SLC35A3: variants seen among roughly 807,000 people sequenced by gnomAD.
SLC35A3 encodes the protein solute carrier family 35 member A3.
Under a neutral mutation model 39.0 loss-of-function variants are expected in SLC35A3, and 26 were observed. The observed-to-expected ratio is 0.67, with a 90% CI of 0.49 to 0.92. The LOEUF is 0.92. Among genes scored for constraint, SLC35A3 ranks in the 40% least tolerant of loss-of-function variants. The probability of loss-of-function intolerance (pLI) is 0.00; values close to 1 mark genes in which losing one functional copy is unlikely to be tolerated. For synonymous variants in SLC35A3, 135 were observed against 133.1 expected (o/e 1.01, Z -0.10); for missense variants, 299 against 371.6 (o/e 0.80, Z 1.61).
At position 100,034,118 on chromosome 1, in the gene SLC35A3, C is replaced by G. The variant is rs530357668; in HGVS notation, c.*11642C>G. 6.6e-6 allele frequency: 1 copy of G among 152,292 alleles called. No individual in the cohort carries two copies. The highest frequency in any genetic ancestry group is 2.1e-4 in the South Asian group (1 of 4,826). The allele number at this position is 152,292 out of a possible 1,614,324, so 9.4% of individuals were successfully genotyped here. A position where few individuals can be genotyped will look rare whatever the true frequency, so the allele number is the denominator to read the frequency against. On this transcript the variant is annotated 3_prime_UTR_variant, in exon 8 of 8. Transcript: ENST00000533028. Reference sequence around the variant, plus strand: ...GTTATCATCAAGAAGTGTGGCACCACTTGATTTTTTTCCCTTTTGGAAATG... The same window carrying G: ...GTTATCATCAAGAAGTGTGGCACCAGTTGATTTTTTTCCCTTTTGGAAATG...
Position 99,993,609 on chromosome 1 carries a change from A to C in SLC35A3, c.55A>C (p.Ser19Arg). 2.5e-6 allele frequency: 4 copies of C among 1,613,986 alleles called. No homozygotes were observed. The highest frequency in any genetic ancestry group is 3.4e-6 in the Non-Finnish European group (4 of 1,179,952). Residue 19 changes from serine to arginine, a missense_variant, in exon 2 of 8, where the codon AGT (serine) becomes CGT (arginine). By Grantham distance (110) the Ser-to-Arg change is moderately radical. Transcript: ENST00000533028. Reference protein sequence around the residue: ...SLGILVFQTTSLVLTMRYSRT... With the variant: ...SLGILVFQTTRLVLTMRYSRT... ...GGGAATTTTGGTCTTTCAGACTACCAGTTTGGTTCTAACAATGCGTTATTC... is the reference window on the plus strand; with the variant it reads ...GGGAATTTTGGTCTTTCAGACTACCCGTTTGGTTCTAACAATGCGTTATTC...
intron 1 of SLC35A3, among the ~76,000 whole-genome samples, chr1:99,990,950 C>G (rs1209461284): frequency 6.6e-6 from 1 of 152,172 alleles, no homozygotes; most frequent in Non-Finnish European, 1.5e-5. Context: ...AAGGGCCTCA[C>G]TAGAACCCAA....
At chr1:100,001,615 C>T (rs1658806205) in intron 3 of SLC35A3, among the ~76,000 whole-genome samples, 1 of 151,764 alleles carries the variant, frequency 6.6e-6, no homozygotes, top group Admixed American at 6.6e-5. Context: ...CTTTAGGGTC[C>T]TCTCTATATA....
chr1:99,984,524 A>G (rs1657636443), intron 1 of SLC35A3, among the ~76,000 whole-genome samples: 1 of 152,216 alleles, frequency 6.6e-6, no homozygotes, highest in Non-Finnish European at 1.5e-5. Flanking sequence ...CATAATTGCA[A>G]ATTGTGCTGC....
chr1:99,995,497 A>G (rs1279046270), intron 2 of SLC35A3, among the ~76,000 whole-genome samples: 1 of 152,094 alleles, frequency 6.6e-6, no homozygotes, highest in African/African-American at 2.4e-5. Flanking sequence ...ATGGCTTGTT[A>G]AAAGATTGAA....
At chr1:100,015,620 G>A in intron 6 of SLC35A3, 200 bp downstream of exon 6, 1 of 479,134 alleles carries the variant, frequency 2.1e-6, no homozygotes, top group African/African-American at 2.0e-5. Flanking sequence ...GGTCTTTAAT[G>A]AACTTTGTGG....
intron 3 of SLC35A3, 87 bp from the exon 4 acceptor site, chr1:100,006,947 G>T (rs879301808): frequency 9.9e-6 from 14 of 1,415,260 alleles, no homozygotes; most frequent in Non-Finnish European, 1.3e-5. Flanking sequence ...TGCTGCCATA[G>T]TCCTTAAAAT....
chr1:99,988,865 C>G (rs1490926653), intron 1 of SLC35A3, among the ~76,000 whole-genome samples: 1 of 152,040 alleles, frequency 6.6e-6, no homozygotes, highest in African/African-American at 2.4e-5. Context: ...TTCCTGGGCT[C>G]AAGCCATCCT....
chr1:100,005,948 A>C (rs1429576163), intron 3 of SLC35A3, among the ~76,000 whole-genome samples: 1 of 152,172 alleles, frequency 6.6e-6, no homozygotes, highest in Non-Finnish European at 1.5e-5. Context: ...ATATCTGTGC[A>C]TCTGGTATAA....
chr1:100,023,610 G>C lies in SLC35A3; in HGVS notation c.*1134G>C, dbSNP rs1660696595. 6.6e-6 allele frequency: 1 copy of C among 152,172 alleles called. No individual in the cohort carries two copies. The allele number at this position is 152,172 out of a possible 1,614,324, so 9.4% of individuals were successfully genotyped here. A position where few individuals can be genotyped will look rare whatever the true frequency, so the allele number is the denominator to read the frequency against. ...ACAGCGCTATGACTTTAAATCCAAG[G>C]CTGCTCGGAAGATTTTTTTAGGTCT... On this transcript the variant is annotated 3_prime_UTR_variant, in exon 8 of 8. Transcript: ENST00000533028.
chr1:100,002,376 A>G (rs1306974195), intron 3 of SLC35A3, among the ~76,000 whole-genome samples: 1 of 151,918 alleles, frequency 6.6e-6, no homozygotes, highest in Non-Finnish European at 1.5e-5. Context: ...AGGTTTTTCA[A>G]TTTGCTAGTA....
Position 99,977,739 on chromosome 1 carries a change from A to G in SLC35A3, c.-19+7577A>G, listed in dbSNP as rs537457248. Among the ~76,000 whole-genome samples, 33 of 152,274 alleles carry G rather than the reference A, an allele frequency of 2.2e-4. No homozygotes were observed. The South Asian group carries it at 4.6e-3, about 21-fold the overall frequency. ...TTTGTTGTAAAGACAGAGTCCGACT[A>G]TGTTGCCCAGGCTGGTCTGGAACTC... On this transcript the variant is annotated intron_variant, in intron 1 of 7. Transcript: ENST00000533028.
rs1468972411 is a variant in SLC35A3 at position 100,022,986 on chromosome 1, A to G, written c.*510A>G. 1.3e-5 allele frequency: 2 copies of G among 152,600 alleles called. No individual in the cohort carries two copies. Among genetic ancestry groups the G allele is most frequent in the Non-Finnish European group, 2.9e-5 (2 of 68,034 alleles). The allele number at this position is 152,600 out of a possible 1,614,324, so 9.5% of individuals were successfully genotyped here. A position where few individuals can be genotyped will look rare whatever the true frequency, so the allele number is the denominator to read the frequency against. On this transcript the variant is annotated 3_prime_UTR_variant, in exon 8 of 8. Transcript: ENST00000533028. The stretch of plus-strand genomic sequence containing the variant: ...TATCAGAGATTTTTATATTTATACA[A>G]AAGATTACTAAATGAAGGATTGCTA...
chr1:100,019,364 C>A (rs932863520), intron 7 of SLC35A3, among the ~76,000 whole-genome samples: 1 of 151,438 alleles, frequency 6.6e-6, no homozygotes, highest in African/African-American at 2.4e-5. Flanking sequence ...AGAGAAAAGA[C>A]AATGATACTG....
chr1:100,011,282 T>G, intron 4 of SLC35A3, 83 bp from the exon 5 acceptor site: 1 of 592,388 alleles, frequency 1.7e-6, no homozygotes. Flanking sequence ...ATTTTTAAGT[T>G]ATGGTCTAAG....
At chr1:100,005,986 G>A (rs1337273150) in intron 3 of SLC35A3, among the ~76,000 whole-genome samples, 2 of 152,190 alleles carry the variant, frequency 1.3e-5, no homozygotes, top group Non-Finnish European at 2.9e-5. Flanking sequence ...TTTGTAGATA[G>A]CTTTCATAGG....
chr1:99,996,170 A>G (rs759814176), intron 2 of SLC35A3, among the ~76,000 whole-genome samples: 1 of 152,230 alleles, frequency 6.6e-6, no homozygotes. Context: ...AATGATTTCA[A>G]ACAACATACA....
chr1:99,988,045 C>A (rs979560532), intron 1 of SLC35A3, among the ~76,000 whole-genome samples: 1 of 152,050 alleles, frequency 6.6e-6, no homozygotes, highest in Middle Eastern at 3.2e-3. Flanking sequence ...TAAAATGAAC[C>A]ATTATACCCC....
intron 2 of SLC35A3, among the ~76,000 whole-genome samples, chr1:99,998,061 A>C (rs1658529373): frequency 6.6e-6 from 1 of 152,024 alleles, no homozygotes; most frequent in South Asian, 2.1e-4. Flanking sequence ...TCAGGGTGGG[A>C]GAAGTGGAAG....
Sources: allele counts gnomAD v4.1 joint callset (sites outside exome capture counted in the v4.1 genomes callset), GRCh38; gene constraint gnomAD v4.1.1; transcripts MANE v1.5; gene names NCBI Gene and HGNC (gene_info 2026-07-23, HGNC 2026-07-21).